The following ADGRA2 variants were observed in gnomAD, a reference collection of about 807,000 sequenced individuals.
The protein encoded by ADGRA2 is G-protein coupled receptor 124.
ADGRA2 carries 61 observed loss-of-function variants against 98.7 expected under a neutral mutation model. The observed-to-expected ratio is 0.62, with a 90% CI of 0.50 to 0.76. The LOEUF is 0.76. ADGRA2 is among the 30% of genes least tolerant of loss of function. ADGRA2 has a pLI of 0.00. For synonymous variants in ADGRA2, 858 were observed against 831.5 expected (o/e 1.03, Z -0.55); for missense variants, 1,712 against 1,860.0 (o/e 0.92, Z 1.46).
At chr8:37,832,887 A>C in intron 8 of ADGRA2, 123 bp from the exon 9 acceptor site, 30 of 735,232 alleles carry the variant, frequency 4.1e-5, no homozygotes, top group Non-Finnish European at 6.7e-5. Flanking sequence ...GGCTGGTCTG[A>C]ACCCCGCTCC....
At chr8:37,811,128 A>C (rs866985144) in intron 1 of ADGRA2, among the ~76,000 whole-genome samples, 15 of 147,444 alleles carry the variant, frequency 1.0e-4, no homozygotes, top group African/African-American at 2.8e-4. Context: ...ACAAAAAAAA[A>C]AAAAAAAAAA....
At chr8:37,838,052 C>A in intron 14 of ADGRA2, 113 bp downstream of exon 14, 1 of 918,978 alleles carries the variant, frequency 1.1e-6, no homozygotes, top group Non-Finnish European at 1.6e-6. Flanking sequence ...GAAAGGACTG[C>A]AGCCCTAATT....
At chr8:37,836,038 AACACACACACACACACACACACACACAC>A (rs58082798) in intron 13 of ADGRA2, among the ~76,000 whole-genome samples, 76 of 124,574 alleles carry the variant, frequency 6.1e-4, no homozygotes, top group African/African-American at 1.6e-3. Flanking sequence ...AGCCCCCTCC[AACACACACACACACACACACACACACAC>A]ACACACACAC....
rs1364519780 is a variant in ADGRA2 at position 37,835,151 on chromosome 8, G to GA, written c.1609-22dup. On this transcript the variant is annotated intron_variant, in intron 11 of 18. Coordinates refer to ENST00000412232, the MANE Select transcript of ADGRA2 (RefSeq NM_032777.10). ...AGAAGGCCACCATCTCAAATGGTGG[G>GA]ATGACAAGGTCCCTGTCCCCAGAAT... 50 of 1,578,096 alleles carry GA rather than the reference G, an allele frequency of 3.2e-5. No individual in the cohort carries two copies. In the East Asian group the frequency reaches 1.1e-3, roughly 35 times the overall value.
intron 1 of ADGRA2, among the ~76,000 whole-genome samples, chr8:37,806,365 C>G (rs1247045379): frequency 6.6e-6 from 1 of 152,090 alleles, no homozygotes; most frequent in Non-Finnish European, 1.5e-5. Flanking sequence ...GTTCCTTGTG[C>G]TCAAGCCAGG....
Position 37,829,856 on chromosome 8 carries a change from T to C in ADGRA2, c.560T>C (p.Leu187Ser). 2 of 1,610,982 alleles carry C rather than the reference T, an allele frequency of 1.2e-6. No individual in the cohort carries two copies. Among genetic ancestry groups the C allele is most frequent in the Non-Finnish European group, 1.7e-6 (2 of 1,178,908 alleles). The change falls in exon 6 of 19, where the codon TTG (leucine) becomes TCG (serine). Residue 187 changes from leucine (L) to serine (S), a missense_variant. Coordinates refer to ENST00000412232, the MANE Select transcript of ADGRA2 (RefSeq NM_032777.10). ...DELPALKVVD[L>S]GTEFLTCDCH... ...CCCCTCTGCCCACCCTGCAGGGACT[T>C]GGGCACCGAGTTCCTGACCTGTGAC...
At chr8:37,822,214 A>G (rs1805146340) in intron 2 of ADGRA2, among the ~76,000 whole-genome samples, 1 of 152,178 alleles carries the variant, frequency 6.6e-6, no homozygotes, top group African/African-American at 2.4e-5. Flanking sequence ...GTCCTGGCCC[A>G]CTTCTCAGCC....
At position 37,802,840 on chromosome 8, in the gene ADGRA2, A is replaced by G. The variant is rs1804547352; in HGVS notation, c.266+5306A>G. On this transcript the variant is annotated intron_variant, in intron 1 of 18. Transcript: ENST00000412232. This position sits in a 1 kb window ranked among gnomAD's most constrained non-coding sequence, Gnocchi z 4.7. ...TCTCTGGGGCTCACTGGTTGAATGA[A>G]GAAAACTGCAGAGGCCATCGTGCTG... Among the ~76,000 whole-genome samples, 1 of 152,190 alleles carries G rather than the reference A, an allele frequency of 6.6e-6. No homozygotes were observed. The highest frequency in any genetic ancestry group is 6.5e-5 in the Admixed American group (1 of 15,288).
At chr8:37,800,001 C>T (rs1382145956) in intron 1 of ADGRA2, among the ~76,000 whole-genome samples, 3 of 152,202 alleles carry the variant, frequency 2.0e-5, no homozygotes, top group African/African-American at 7.2e-5. Context: ...AGGTTCCTTC[C>T]TCTGAGGCTC....
chr8:37,834,269 G>A lies in ADGRA2; in HGVS notation c.1608+141G>A. The stretch of plus-strand genomic sequence containing the variant: ...GAGCCATGGGGTTCACTTCCAAGTT[G>A]TCAGGGGCAGTGCTAAGGAGAGGTG... On this transcript the variant is annotated intron_variant, in intron 11 of 18. Coordinates refer to ENST00000412232, the MANE Select transcript of ADGRA2 (RefSeq NM_032777.10). The surrounding 1 kb of genome is among the most constrained non-coding windows in gnomAD (Gnocchi z 4.2). 1.2e-6 allele frequency: 1 copy of A among 811,040 alleles called. No individual in the cohort carries two copies. 50.2% of individuals were successfully genotyped at this position (811,040 alleles called of 1,614,324 possible).
At chr8:37,809,507 A>G (rs369979345) in intron 1 of ADGRA2, among the ~76,000 whole-genome samples, 10 of 152,308 alleles carry the variant, frequency 6.6e-5, no homozygotes, top group African/African-American at 2.4e-4. Flanking sequence ...AACCCTGGGT[A>G]TCTGAGGACT....
Position 37,833,034 on chromosome 8 carries a change from C to T in ADGRA2, c.1122C>T (p.Ile374=), listed in dbSNP as rs1805501982. ...DFRWPRTLAG[I]TAYQSCLQYP... is the part of the protein sequence containing the mutation. ...GGTGGCCCCGAACTCTGGCTGGCAT[C>T]ACAGCCTACCAGTCCTGCCTGCAGT... The change falls in exon 9 of 19, where the codon ATC becomes ATT. Residue 374 remains isoleucine (I), a synonymous_variant. Transcript: ENST00000412232. The T allele has an allele frequency of 6.2e-7, 1 of 1,613,038 alleles. No homozygotes were observed. Among genetic ancestry groups the T allele is most frequent in the African/African-American group, 1.3e-5 (1 of 74,930 alleles).
Position 37,830,024 on chromosome 8 carries a change from T to TC in ADGRA2, c.718+16dup. Reference sequence around the variant, plus strand: ...GCCCAGCTCTGCTGCGGTGAGCAAGTCCCCCCAGCTACACATCTCCCAGGG... The same window carrying TC: ...GCCCAGCTCTGCTGCGGTGAGCAAGTCCCCCCCAGCTACACATCTCCCAGGG... On this transcript the variant is annotated intron_variant, in intron 6 of 18. Coordinates refer to ENST00000412232, the MANE Select transcript of ADGRA2 (RefSeq NM_032777.10). The surrounding 1 kb of genome is among the most constrained non-coding windows in gnomAD (Gnocchi z 4.8). 1 of 1,507,488 alleles carries TC rather than the reference T, an allele frequency of 6.6e-7. No individual in the cohort carries two copies. The highest frequency in any genetic ancestry group is 8.9e-7 in the Non-Finnish European group (1 of 1,126,162). 93.4% of individuals were successfully genotyped at this position (1,507,488 alleles called of 1,614,324 possible).
chr8:37,801,119 C>T (rs1804489232), intron 1 of ADGRA2, among the ~76,000 whole-genome samples: 1 of 152,192 alleles, frequency 6.6e-6, no homozygotes, highest in African/African-American at 2.4e-5. Flanking sequence ...TTCACAGTCC[C>T]ATTTACCGCA....
In ADGRA2 at chr8:37,835,054, G is replaced by GA. The variant is rs1226299798; in HGVS notation, c.1609-114dup. Reference sequence around the variant, plus strand: ...AAAAAAAAGAGAGAGAGGTGGCTTTGAAAAAACTGAGGATTGAAGGGGAGG... The same window carrying GA: ...AAAAAAAAGAGAGAGAGGTGGCTTTGAAAAAAACTGAGGATTGAAGGGGAGG... On this transcript the variant is annotated intron_variant, in intron 11 of 18. Transcript: ENST00000412232. The GA allele has an allele frequency of 7.3e-6, 5 of 681,338 alleles. No homozygotes were observed. The Admixed American group carries it at 1.1e-4, about 15-fold the overall frequency. The allele number at this position is 681,338 out of a possible 1,614,324, so 42.2% of individuals were successfully genotyped here.
intron 1 of ADGRA2, among the ~76,000 whole-genome samples, chr8:37,799,148 G>A (rs1007464863): frequency 3.9e-5 from 6 of 152,176 alleles, no homozygotes; most frequent in Admixed American, 2.6e-4. Context: ...AGGCAGAGGC[G>A]GGTGGATCAC....
In ADGRA2 at chr8:37,814,347, T is replaced by TGCG. The variant is rs1011338835; in HGVS notation, c.267-546_267-544dup. Among the ~76,000 whole-genome samples the TGCG allele has an allele frequency of 6.6e-6, 1 of 152,166 alleles. No individual in the cohort carries two copies. The highest frequency in any genetic ancestry group is 1.5e-5 in the Non-Finnish European group (1 of 68,012). Reference sequence around the variant, plus strand: ...CTTCAGAAGGCTTAGGAGGCCAGGATGCGGCCACTGTGCACTCAGGCCCTC... The same window carrying TGCG: ...CTTCAGAAGGCTTAGGAGGCCAGGATGCGGCGGCCACTGTGCACTCAGGCCCTC... On this transcript the variant is annotated intron_variant, in intron 1 of 18. Coordinates refer to ENST00000412232, the MANE Select transcript of ADGRA2 (RefSeq NM_032777.10). The surrounding 1 kb of genome is among the most constrained non-coding windows in gnomAD (Gnocchi z 4.3).
At chr8:37,808,424 C>A (rs1804739128) in intron 1 of ADGRA2, among the ~76,000 whole-genome samples, 2 of 152,262 alleles carry the variant, frequency 1.3e-5, no homozygotes, top group South Asian at 4.1e-4. Flanking sequence ...CCGAGGCTGA[C>A]CCTATGTCTG....
chr8:37,829,960 A>G lies in ADGRA2; in HGVS notation c.664A>G (p.Ser222Gly). Residue 222 changes from serine to glycine, a missense_variant, in exon 6 of 19, where the codon AGT becomes GGT. Coordinates refer to ENST00000412232, the MANE Select transcript of ADGRA2 (RefSeq NM_032777.10). ...GGAACACACGCTCTGTGCTTACCCC[A>G]GTGCCCTGCATGCTCAGGCCCTGGG... ...LSEHTLCAYP[S>G]ALHAQALGSL... 1 of 1,608,398 alleles carries G rather than the reference A, an allele frequency of 6.2e-7. No homozygotes were observed. The highest frequency in any genetic ancestry group is 1.1e-5 in the South Asian group (1 of 90,900).
Sources: allele counts gnomAD v4.1 joint callset (sites outside exome capture counted in the v4.1 genomes callset), GRCh38; gene constraint gnomAD v4.1.1; non-coding constraint Gnocchi (gnomAD v3.1); transcripts MANE v1.5; gene names NCBI Gene and HGNC (gene_info 2026-07-23, HGNC 2026-07-21).